The following RBFOX1 variants were observed in gnomAD, a reference collection of about 807,000 sequenced individuals.
The protein encoded by RBFOX1 is RNA binding fox-1 homolog 1, also known as RNA binding protein fox-1 homolog 1.
Under a neutral mutation model 57.7 loss-of-function variants are expected in RBFOX1, and 8 were observed. That is an observed-to-expected ratio of 0.14 (90% CI 0.08 to 0.25). RBFOX1 has a LOEUF of 0.25. RBFOX1 is among the 10% of genes least tolerant of loss of function. RBFOX1 has a pLI of 1.00. For synonymous variants in RBFOX1, 326 were observed against 222.4 expected, an observed-to-expected ratio of 1.47 and a Z score of -4.15; for missense variants, 611 against 548.5, an observed-to-expected ratio of 1.11 and a Z score of -1.14.
chr16:6,346,679 G>GT (rs1491136297), intron 2 of RBFOX1, among the ~76,000 whole-genome samples: 5 of 152,140 alleles, frequency 3.3e-5, no homozygotes, highest in Non-Finnish European at 5.9e-5. Flanking sequence ...TTTGTCTATA[G>GT]TTTTTTTATT....
chr16:6,556,615 C>G (rs796302034), intron 2 of RBFOX1, among the ~76,000 whole-genome samples: 1 of 152,028 alleles, frequency 6.6e-6, no homozygotes, highest in East Asian at 1.9e-4. Flanking sequence ...TAATATATAG[C>G]CTGAGATAAG....
intron 4 of RBFOX1, among the ~76,000 whole-genome samples, chr16:7,238,799 C>T (rs935096048): frequency 6.6e-6 from 1 of 152,210 alleles, no homozygotes; most frequent in African/African-American, 2.4e-5. Flanking sequence ...CCCTGACCTC[C>T]ACCTGCCAAG....
intron 3 of RBFOX1, among the ~76,000 whole-genome samples, chr16:6,750,381 A>G (rs965505526): frequency 2.0e-5 from 3 of 152,216 alleles, no homozygotes; most frequent in African/African-American, 7.2e-5. Context: ...CTTAATTGCA[A>G]CTGGGCTTAA....
intron 1 of RBFOX1, chr16:5,366,141 G>T: frequency 4.6e-6 from 2 of 434,126 alleles, no homozygotes; most frequent in Non-Finnish European, 8.9e-6. Context: ...ACAGCACTTT[G>T]TACCTGTGGA....
intron 2 of RBFOX1, among the ~76,000 whole-genome samples, chr16:5,579,856 T>G (rs993269635): frequency 1.3e-5 from 2 of 151,734 alleles, no homozygotes; most frequent in Non-Finnish European, 2.9e-5. Flanking sequence ...GCCTCCCGGG[T>G]TCAAGCTATT....
chr16:6,715,936 TATG>T (rs1274521051), intron 3 of RBFOX1, among the ~76,000 whole-genome samples: 1 of 152,154 alleles, frequency 6.6e-6, no homozygotes, highest in Admixed American at 6.5e-5. Context: ...CTCTTCCTAG[TATG>T]ATGATTAAGT....
At chr16:7,417,170 G>A (rs1464858063) in intron 4 of RBFOX1, among the ~76,000 whole-genome samples, 1 of 152,010 alleles carries the variant, frequency 6.6e-6, no homozygotes, top group Non-Finnish European at 1.5e-5. Flanking sequence ...AGGAGTTTGA[G>A]ACCATCCTGG....
intron 4 of RBFOX1, among the ~76,000 whole-genome samples, chr16:5,984,946 T>TTTTATATATATATATATATATATATATA (rs1450037668): frequency 4.3e-5 from 3 of 69,660 alleles, no homozygotes; most frequent in Admixed American, 2.0e-4. Context: ...GGCAACTCCA[T>TTTTATATATATATATATATATATATATA]TATATATATA....
At chr16:5,908,258 A>G (rs1421998699) in intron 4 of RBFOX1, among the ~76,000 whole-genome samples, 1 of 149,008 alleles carries the variant, frequency 6.7e-6, no homozygotes, top group Non-Finnish European at 1.5e-5. Context: ...ACACACACAT[A>G]TATACACATA....
At chr16:7,587,176 A>G (rs1262844090) in intron 6 of RBFOX1, 71 bp from the exon 7 acceptor site, 6 of 1,347,262 alleles carry the variant, frequency 4.5e-6, no homozygotes, top group Admixed American at 2.9e-5. Context: ...GTGGGAAACA[A>G]TTACTACTGT....
chr16:7,189,554 A>ACACACACAC lies in RBFOX1; in HGVS notation c.27+137456_27+137457insCACACACAC, dbSNP rs1567633599. Among the ~76,000 whole-genome samples, 552 of 135,860 alleles carry ACACACACAC rather than the reference A, an allele frequency of 4.1e-3. 9 individuals carry two copies. The highest frequency in any genetic ancestry group is 4.8e-3 in the Non-Finnish European group (307 of 63,974). 89.1% of individuals were successfully genotyped at this position (135,860 alleles called of 152,430 possible). ...CACTCCAAAACACTATGTCCCCCAAAACACACACACACACACACACACACA... is the reference window on the plus strand; with the variant it reads ...CACTCCAAAACACTATGTCCCCCAAACACACACACACACACACACACACACACACACACA... On this transcript the variant is annotated intron_variant, in intron 4 of 15. Transcript: ENST00000550418.
chr16:6,379,768 T>G (rs1253592996), intron 2 of RBFOX1, among the ~76,000 whole-genome samples: 4 of 151,910 alleles, frequency 2.6e-5, no homozygotes, highest in Non-Finnish European at 5.9e-5. Context: ...AGAAAATCAT[T>G]GATGAGAAAC....
chr16:5,306,389 G>C (rs1006090152), intron 1 of RBFOX1, among the ~76,000 whole-genome samples: 6 of 149,170 alleles, frequency 4.0e-5, no homozygotes, highest in African/African-American at 7.4e-5. Context: ...GCATGATCTT[G>C]ACCCACTGCA....
intron 2 of RBFOX1, among the ~76,000 whole-genome samples, chr16:6,443,327 G>A (rs75013335): frequency 0.07 from 10,705 of 152,144 alleles, 468 homozygotes; most frequent in South Asian, 0.12. Context: ...TACAAGCAAA[G>A]CAAACACAAA....
At chr16:7,367,880 G>C (rs932104619) in intron 4 of RBFOX1, among the ~76,000 whole-genome samples, 1 of 104,352 alleles carries the variant, frequency 9.6e-6, no homozygotes, top group Non-Finnish European at 1.9e-5. Context: ...GCACACATGC[G>C]TGCATACACA....
chr16:6,864,883 CAA>C (rs1603634007), intron 3 of RBFOX1, among the ~76,000 whole-genome samples: 1 of 150,982 alleles, frequency 6.6e-6, no homozygotes, highest in Admixed American at 6.6e-5. Flanking sequence ...CTCATCAAAA[CAA>C]GAGGGGCGTT....
rs2095034995 is a variant in RBFOX1, at chr16:6,019,982, G to A, written c.-137G>A. On this transcript the variant is annotated 5_prime_UTR_variant, in exon 1 of 16. Transcript: ENST00000550418. This position sits in a 1 kb window ranked among gnomAD's most constrained non-coding sequence, Gnocchi z 4.2. ...GAACGTGACCGCAGCCGGGCTCGCC[G>A]GGAGTTCTAGGTAAGTCCAGGCGGA... 1.1e-5 allele frequency: 17 copies of A among 1,529,218 alleles called. No individual in the cohort carries two copies. The highest frequency in any genetic ancestry group is 4.9e-5 in the East Asian group (2 of 40,640). 94.7% of individuals were successfully genotyped at this position (1,529,218 alleles called of 1,614,324 possible).
At chr16:7,118,223 C>G (rs1191981315) in intron 4 of RBFOX1, among the ~76,000 whole-genome samples, 1 of 152,100 alleles carries the variant, frequency 6.6e-6, no homozygotes, top group African/African-American at 2.4e-5. Flanking sequence ...ATAAGAGTCC[C>G]CATTTCACCA....
intron 2 of RBFOX1, among the ~76,000 whole-genome samples, chr16:6,640,157 A>AGGTGAAAT (rs1201741471): frequency 1.3e-5 from 2 of 152,226 alleles, no homozygotes; most frequent in East Asian, 3.9e-4. Flanking sequence ...CCACATCTAC[A>AGGTGAAAT]GGTGAAATTC....
Sources: allele counts gnomAD v4.1 joint callset (sites outside exome capture counted in the v4.1 genomes callset), GRCh38; gene constraint gnomAD v4.1.1; non-coding constraint Gnocchi (gnomAD v3.1); transcripts MANE v1.5; gene names NCBI Gene and HGNC (gene_info 2026-07-23, HGNC 2026-07-21).